Variants in MAP3K9 observed in about 807,000 individuals in gnomAD.
The protein encoded by MAP3K9 is mitogen-activated protein kinase kinase kinase 9.
In MAP3K9, 46 loss-of-function variants were observed where a neutral mutation model predicts 95.8. The observed-to-expected ratio is 0.48, with a 90% confidence interval of 0.38 to 0.61. MAP3K9 has a LOEUF of 0.61. Ranked by LOEUF, MAP3K9 falls within the 20% of genes least tolerant of loss-of-function variation. MAP3K9 has a pLI of 0.00. For synonymous variants in MAP3K9, 533 were observed against 593.8 expected (o/e 0.90, Z 1.49); for missense variants, 1,296 against 1,474.3 (o/e 0.88, Z 1.98).
intron 2 of MAP3K9, among the ~76,000 whole-genome samples, chr14:70,798,056 C>T (rs2054884247): frequency 6.6e-6 from 1 of 152,130 alleles, no homozygotes; most frequent in Non-Finnish European, 1.5e-5. Flanking sequence ...ATCCTAAAAC[C>T]CACATAAGGA....
chr14:70,808,708 G>T, intron 1 of MAP3K9, 58 bp downstream of exon 1: 6 of 272,816 alleles, frequency 2.2e-5, no homozygotes, highest in South Asian at 8.7e-5. Context: ...CCCCTTCCCC[G>T]ACCGCCCCCC....
rs1566736092 is a variant in MAP3K9, at chr14:70,742,914, TATATA to T, written c.1327-328_1327-324del. Among the ~76,000 whole-genome samples the T allele has an allele frequency of 5.1e-3, 18 of 3,562 alleles. 1 individual carries two copies. Among genetic ancestry groups the T allele is most frequent in the Admixed American group, 0.014 (3 of 218 alleles). The allele number at this position is 3,562 out of a possible 152,430, so 2.3% of individuals were successfully genotyped here. A position where few individuals can be genotyped will look rare whatever the true frequency, so the allele number is the denominator to read the frequency against. On this transcript the variant is annotated intron_variant, in intron 5 of 11. Coordinates refer to ENST00000554752, the MANE Select transcript of MAP3K9 (RefSeq NM_001284230.2). The stretch of plus-strand genomic sequence containing the variant: ...ATTGCCTGTGATTTATATATATTTA[TATATA>T]TATATATATATATATATAGGTTTGA...
chr14:70,787,640 A>G (rs1030388384), intron 2 of MAP3K9, among the ~76,000 whole-genome samples: 3 of 152,240 alleles, frequency 2.0e-5, no homozygotes, highest in East Asian at 1.9e-4. Context: ...TTCCAAAGAC[A>G]CACATTGGGC....
chr14:70,809,143 C>T lies in MAP3K9; in HGVS notation c.29G>A (p.Cys10Tyr). 4 of 1,380,896 alleles carry T rather than the reference C, an allele frequency of 2.9e-6. No individual in the cohort carries two copies. The highest frequency in any genetic ancestry group is 3.7e-6 in the Non-Finnish European group (4 of 1,076,256). The allele number at this position is 1,380,896 out of a possible 1,614,324, so 85.5% of individuals were successfully genotyped here. A position where few individuals can be genotyped will look rare whatever the true frequency, so the allele number is the denominator to read the frequency against. Residue 10 changes from cysteine to tyrosine, a missense_variant, in exon 1 of 12, where the codon TGC becomes TAC. By Grantham distance (194) the Cys-to-Tyr change is radical. Coordinates refer to ENST00000554752, the MANE Select transcript of MAP3K9 (RefSeq NM_001284230.2). MEPSRALLG[C>Y]LASAAAAAPP... ...GGCGGCAGCGGCGGCGCTCGCTAGG[C>T]AGCCGAGAAGCGCTCTGGAGGGCTC...
rs1192343695 is a variant in MAP3K9 at position 70,726,782 on chromosome 14, C to T, written c.*3598G>A. On this transcript the variant is annotated 3_prime_UTR_variant, in exon 12 of 12. Coordinates refer to ENST00000554752, the MANE Select transcript of MAP3K9 (RefSeq NM_001284230.2). ...ATGAGAGCCACACTCTCAACTTCAGCGATTCATCCTGTATAGATGAAAGAA... is the reference window on the plus strand; with the variant it reads ...ATGAGAGCCACACTCTCAACTTCAGTGATTCATCCTGTATAGATGAAAGAA... 2 of 152,246 alleles carry T rather than the reference C, an allele frequency of 1.3e-5. No individual in the cohort carries two copies. Among genetic ancestry groups the T allele is most frequent in the Admixed American group, 6.5e-5 (1 of 15,286 alleles). The allele number at this position is 152,246 out of a possible 1,614,324, so 9.4% of individuals were successfully genotyped here.
At position 70,735,944 on chromosome 14, in the gene MAP3K9, G is replaced by T. The variant is rs770915012; in HGVS notation, c.1913+17C>A. On this transcript the variant is annotated intron_variant, in intron 9 of 11. Coordinates refer to ENST00000554752, the MANE Select transcript of MAP3K9 (RefSeq NM_001284230.2). ...TGTTACCAGGACAGCTGGTGAAAGGGTGAAGATGAGACTCACCCCAAGTGG... is the reference window on the plus strand; with the variant it reads ...TGTTACCAGGACAGCTGGTGAAAGGTTGAAGATGAGACTCACCCCAAGTGG... 7 of 1,586,368 alleles carry T rather than the reference G, an allele frequency of 4.4e-6. No individual in the cohort carries two copies. Among genetic ancestry groups the T allele is most frequent in the Non-Finnish European group, 6.1e-6 (7 of 1,154,700 alleles).
intron 2 of MAP3K9, among the ~76,000 whole-genome samples, chr14:70,774,289 G>C (rs1010681078): frequency 1.3e-5 from 2 of 152,208 alleles, no homozygotes; most frequent in Admixed American, 6.5e-5. Flanking sequence ...AAAGGATAAA[G>C]CAGGAGACCT....
At chr14:70,731,795 T>C (rs1020483254) in intron 11 of MAP3K9, among the ~76,000 whole-genome samples, 23 of 152,354 alleles carry the variant, frequency 1.5e-4, no homozygotes, top group African/African-American at 5.5e-4. Flanking sequence ...ATACAACTGT[T>C]GTTGACACTT....
Position 70,734,482 on chromosome 14 carries a change from C to G in MAP3K9, c.1930G>C (p.Asp644His). The change falls in exon 10 of 12, where the codon GAT becomes CAT. Residue 644 changes from aspartate to histidine, a missense_variant. Physicochemically the swap from Asp to His is moderately conservative, Grantham distance 81. This residue lies in a region of MAP3K9 where 377 missense variants were observed against 417.1 expected (regional missense o/e 0.90). Transcript: ENST00000554752. Reference protein sequence around the residue: ...HFHLGLKSLVDGYKQWSSSAP... With the variant: ...HFHLGLKSLVHGYKQWSSSAP... Reference sequence around the variant, plus strand: ...CTGGACGACCACTGCTTATATCCATCTACCAGGGACTTGAGGCTGAATCAG... The same window carrying G: ...CTGGACGACCACTGCTTATATCCATGTACCAGGGACTTGAGGCTGAATCAG... 1.9e-6 allele frequency: 3 copies of G among 1,606,874 alleles called. No individual in the cohort carries two copies. Among genetic ancestry groups the G allele is most frequent in the Non-Finnish European group, 1.7e-6 (2 of 1,174,932 alleles).
At chr14:70,774,628 C>T (rs769575136) in intron 2 of MAP3K9, among the ~76,000 whole-genome samples, 19 of 151,688 alleles carry the variant, frequency 1.3e-4, no homozygotes, top group Admixed American at 6.6e-5. Context: ...AAGATCACGC[C>T]ACTGTACTCT....
chr14:70,743,957 A>G (rs1176673590), intron 5 of MAP3K9, among the ~76,000 whole-genome samples: 1 of 152,256 alleles, frequency 6.6e-6, no homozygotes, highest in Non-Finnish European at 1.5e-5. Flanking sequence ...AACCAACCCA[A>G]ATGTCCATCA....
intron 2 of MAP3K9, among the ~76,000 whole-genome samples, chr14:70,769,299 G>A (rs1329246055): frequency 1.3e-5 from 2 of 152,218 alleles, no homozygotes; most frequent in East Asian, 1.9e-4. Flanking sequence ...CCCTTTAGAA[G>A]TTCCATGTGT....
chr14:70,753,782 C>G (rs7159957), intron 3 of MAP3K9, among the ~76,000 whole-genome samples: 1 of 152,134 alleles, frequency 6.6e-6, no homozygotes, highest in Non-Finnish European at 1.5e-5. Context: ...AACCACCTCC[C>G]GAGGCTTGGT....
intron 2 of MAP3K9, chr14:70,783,274 G>A: frequency 1.0e-6 from 1 of 982,838 alleles, no homozygotes; most frequent in Non-Finnish European, 1.2e-6. Context: ...AGGTGGGAAG[G>A]AAGACGGCAT....
At chr14:70,764,591 G>A (rs1468643058) in intron 2 of MAP3K9, among the ~76,000 whole-genome samples, 1 of 152,074 alleles carries the variant, frequency 6.6e-6, no homozygotes, top group Non-Finnish European at 1.5e-5. Flanking sequence ...AGCACTTTGG[G>A]AGGTCAAGGT....
chr14:70,763,349 A>C (rs2054400593), intron 2 of MAP3K9, among the ~76,000 whole-genome samples: 2 of 152,116 alleles, frequency 1.3e-5, no homozygotes, highest in African/African-American at 4.8e-5. Flanking sequence ...ACTTCCTATC[A>C]CCTAGTGATG....
chr14:70,799,320 A>G (rs1196168567), intron 2 of MAP3K9, among the ~76,000 whole-genome samples: 2 of 151,060 alleles, frequency 1.3e-5, no homozygotes, highest in Non-Finnish European at 3.0e-5. Flanking sequence ...ACCACTACTT[A>G]CATAATTTTA....
chr14:70,793,377 T>C (rs1328686433), intron 2 of MAP3K9, among the ~76,000 whole-genome samples: 1 of 152,120 alleles, frequency 6.6e-6, no homozygotes, highest in Non-Finnish European at 1.5e-5. Context: ...CAGGGGACTC[T>C]AACGAGGATG....
chr14:70,797,835 C>T (rs1175369035), intron 2 of MAP3K9, among the ~76,000 whole-genome samples: 1 of 152,164 alleles, frequency 6.6e-6, no homozygotes, highest in Non-Finnish European at 1.5e-5. Context: ...CGTATACAAT[C>T]CTTGGCAAAC....
Sources: gnomAD v4.1 joint callset for allele counts (sites outside exome capture counted in the v4.1 genomes callset) on GRCh38, gnomAD v4.1.1 for gene constraint, gnomAD v4.1.1 regional missense constraint, MANE v1.5 for transcripts, NCBI Gene and HGNC (gene_info 2026-07-23, HGNC 2026-07-21) for gene names.